The following TG variants were observed in gnomAD, a reference collection of about 807,000 sequenced individuals.
TG encodes thyroid hormones.
TG carries 270 observed loss-of-function variants against 324.7 expected under a neutral mutation model. The observed-to-expected ratio is 0.83, with a 90% CI of 0.75 to 0.92. The LOEUF (loss-of-function observed/expected upper bound fraction) is 0.92, where lower values mean the gene tolerates loss of function less well. Among genes scored for constraint, TG ranks in the 40% least tolerant of loss-of-function variants. The pLI, the probability that TG is intolerant of heterozygous loss-of-function variation, is 0.00. For missense variants in TG, 3,591 were observed against 3,456.4 expected, an observed-to-expected ratio of 1.04 and a Z score of -0.98; for synonymous variants, 1,401 against 1,327.0, an observed-to-expected ratio of 1.06 and a Z score of -1.21.
At chr8:133,078,908 A>G (rs1160908826) in intron 41 of TG, among the ~76,000 whole-genome samples, 2 of 152,176 alleles carry the variant, frequency 1.3e-5, no homozygotes, top group Non-Finnish European at 2.9e-5. Flanking sequence ...GGAGACAGAC[A>G]CACATATCAA....
chr8:132,933,695 G>A lies in TG; in HGVS notation c.4932+19G>A, dbSNP rs201411777. Reference sequence around the variant, plus strand: ...TGACCAGGTGAGGTGGGGCAGCCACGTGTGGTTCTGCTCCTCATCCGCTGT... The same window carrying A: ...TGACCAGGTGAGGTGGGGCAGCCACATGTGGTTCTGCTCCTCATCCGCTGT... On this transcript the variant is annotated intron_variant, in intron 24 of 47. Coordinates refer to ENST00000220616, the MANE Select transcript of TG (RefSeq NM_003235.5). The A allele has an allele frequency of 9.1e-5, 146 of 1,605,720 alleles. 1 individual carries two copies. In the African/African-American group the frequency reaches 1.6e-3, roughly 18 times the overall value.
At chr8:133,110,817 G>T (rs527885895) in intron 43 of TG, among the ~76,000 whole-genome samples, 1 of 152,190 alleles carries the variant, frequency 6.6e-6, no homozygotes, top group Non-Finnish European at 1.5e-5. Context: ...CCCAAATCTG[G>T]GTTGCCAGCT....
intron 35 of TG, chr8:133,002,873 G>A: frequency 3.1e-6 from 1 of 317,538 alleles, no homozygotes; most frequent in Non-Finnish European, 4.8e-6. Context: ...GCAGTACACT[G>A]GGGAACATTG....
At chr8:132,905,238 G>C (rs1818507652) in intron 16 of TG, among the ~76,000 whole-genome samples, 1 of 152,210 alleles carries the variant, frequency 6.6e-6, no homozygotes, top group Non-Finnish European at 1.5e-5. Flanking sequence ...CCCTGAACTA[G>C]TGAATATTAG....
chr8:132,938,117 A>G (rs1381354268), intron 25 of TG, among the ~76,000 whole-genome samples: 1 of 152,102 alleles, frequency 6.6e-6, no homozygotes, highest in Non-Finnish European at 1.5e-5. Context: ...CCTCTGTAAA[A>G]TGGGACTGTG....
chr8:132,999,129 A>G (rs1340142669), intron 35 of TG, among the ~76,000 whole-genome samples: 1 of 152,118 alleles, frequency 6.6e-6, no homozygotes, highest in Non-Finnish European at 1.5e-5. Flanking sequence ...CTGGGGAAGG[A>G]TGAGACAGGT....
At chr8:133,008,888 T>G (rs186896991) in intron 35 of TG, among the ~76,000 whole-genome samples, 112 of 152,350 alleles carry the variant, frequency 7.4e-4, no homozygotes, top group Non-Finnish European at 1.3e-3. Flanking sequence ...GCCCCAACTT[T>G]CCTGCTTCAT....
intron 3 of TG, among the ~76,000 whole-genome samples, chr8:132,870,858 G>A (rs1026484013): frequency 6.6e-6 from 1 of 152,088 alleles, no homozygotes; most frequent in East Asian, 1.9e-4. Context: ...CACTCACTCC[G>A]AGGGAAGGCA....
intron 4 of TG, 44 bp from the exon 5 acceptor site, chr8:132,873,018 T>C (rs374414055): frequency 6.2e-7 from 1 of 1,601,934 alleles, no homozygotes; most frequent in African/African-American, 1.3e-5. Context: ...CAGAAATATG[T>C]GTCTACTCAT....
chr8:133,099,178 A>C (rs998989248), intron 43 of TG, among the ~76,000 whole-genome samples: 1 of 152,264 alleles, frequency 6.6e-6, no homozygotes, highest in Non-Finnish European at 1.5e-5. Context: ...CTAAGGGCAC[A>C]GCAGAGCAGC....
At chr8:132,876,242 G>A (rs1449778864) in intron 5 of TG, among the ~76,000 whole-genome samples, 1 of 152,116 alleles carries the variant, frequency 6.6e-6, no homozygotes, top group East Asian at 1.9e-4. Flanking sequence ...GGACAGCCAA[G>A]AGATGGGGTG....
At chr8:132,965,899 A>C (rs988509640) in intron 29 of TG, among the ~76,000 whole-genome samples, 1 of 152,208 alleles carries the variant, frequency 6.6e-6, no homozygotes, top group South Asian at 2.1e-4. Context: ...CAGATTAAGA[A>C]AAGAATCTGG....
At chr8:133,077,070 G>A (rs982194855) in intron 41 of TG, among the ~76,000 whole-genome samples, 2 of 152,166 alleles carry the variant, frequency 1.3e-5, no homozygotes, top group Admixed American at 6.5e-5. Context: ...GTGGCCAGTC[G>A]TGGGGTGGAT....
intron 24 of TG, among the ~76,000 whole-genome samples, chr8:132,935,137 C>CTTTTTTTTTTT (rs34047530): frequency 1.5e-5 from 2 of 136,400 alleles, no homozygotes. Context: ...CTGGCAAACT[C>CTTTTTTTTTTT]TTTTTTTTTT....
At chr8:133,122,478 C>G (rs1012950028) in intron 45 of TG, among the ~76,000 whole-genome samples, 1 of 152,190 alleles carries the variant, frequency 6.6e-6, no homozygotes, top group Non-Finnish European at 1.5e-5. Context: ...ATGCCCTGTT[C>G]CCTGCCCTCT....
At chr8:133,088,248 C>T (rs1192759589) in intron 41 of TG, among the ~76,000 whole-genome samples, 3 of 148,138 alleles carry the variant, frequency 2.0e-5, no homozygotes, top group Non-Finnish European at 4.6e-5. Context: ...GAGCCAGGCT[C>T]CCCTCCTGCT....
At chr8:133,090,565 T>A (rs1444477578) in intron 41 of TG, among the ~76,000 whole-genome samples, 1 of 152,208 alleles carries the variant, frequency 6.6e-6, no homozygotes, top group African/African-American at 2.4e-5. Context: ...TCAGCCTAGG[T>A]TGTAACGAGG....
chr8:132,992,675 G>T (rs1016362808), intron 35 of TG, among the ~76,000 whole-genome samples: 2 of 152,150 alleles, frequency 1.3e-5, no homozygotes, highest in African/African-American at 2.4e-5. Flanking sequence ...GTGGCTGTGG[G>T]TGCTGCTGGC....
rs142151026 is a variant in TG at position 133,122,707 on chromosome 8, C to T, written c.7862+5991C>T. ...GCCTGCATGGTGTTTAGCTCAGAGC[C>T]GGCATCTGGGTTGTGTGAATGTCTC... is the stretch of plus-strand genomic sequence containing the variant. On this transcript the variant is annotated intron_variant, in intron 45 of 47. Coordinates refer to ENST00000220616, the MANE Select transcript of TG (RefSeq NM_003235.5). 8.9e-4 allele frequency among the ~76,000 whole-genome samples: 136 copies of T among 152,202 alleles called. No homozygotes were observed. The Middle Eastern group carries it at 0.017, about 19-fold the overall frequency.
Sources: allele counts gnomAD v4.1 joint callset (sites outside exome capture counted in the v4.1 genomes callset), GRCh38; gene constraint gnomAD v4.1.1; transcripts MANE v1.5; gene names NCBI Gene and HGNC (gene_info 2026-07-23, HGNC 2026-07-21).